Variants in DRC11 observed in about 807,000 individuals in gnomAD.
DRC11 encodes dynein regulatory complex subunit 11.
the DRC11 span, among the ~76,000 whole-genome samples, chr2:236,424,941 C>G: frequency 6.6e-6 from 1 of 151,980 alleles, no homozygotes; most frequent in African/African-American, 2.4e-5. Flanking sequence ...GCTTATTTCA[C>G]TTAGCATAAC....
chr2:236,475,163 C>G, the DRC11 span, among the ~76,000 whole-genome samples: 66 of 152,202 alleles, frequency 4.3e-4, 1 homozygote, highest in African/African-American at 1.4e-3. The surrounding 1 kb of genome is among the most constrained non-coding windows in gnomAD (Gnocchi z 4.8). Context: ...TGGTAACCAC[C>G]AATCTATTCT....
chr2:236,428,733 T>C, the DRC11 span, among the ~76,000 whole-genome samples: 1 of 152,196 alleles, frequency 6.6e-6, no homozygotes, highest in Admixed American at 6.5e-5. Flanking sequence ...TCATTTACAT[T>C]TGAGATAATT....
chr2:236,395,193 A>C, the DRC11 span, among the ~76,000 whole-genome samples: 1 of 152,098 alleles, frequency 6.6e-6, no homozygotes, highest in Admixed American at 6.5e-5. Context: ...GCCAAAGTTC[A>C]AGGGGTGTCT....
the DRC11 span, among the ~76,000 whole-genome samples, chr2:236,433,153 A>G: frequency 6.6e-6 from 1 of 152,002 alleles, no homozygotes. Context: ...GCTCCTAAGA[A>G]TATGTTTTCA....
chr2:236,507,275 T>A, the DRC11 span: 1 of 1,614,020 alleles, frequency 6.2e-7, no homozygotes, highest in South Asian at 1.1e-5. Flanking sequence ...CATTGCTGGC[T>A]ACTTTCCCTC....
chr2:236,362,630 A>G, the DRC11 span, among the ~76,000 whole-genome samples: 1 of 152,158 alleles, frequency 6.6e-6, no homozygotes, highest in Non-Finnish European at 1.5e-5. The surrounding 1 kb of genome is among the most constrained non-coding windows in gnomAD (Gnocchi z 5.7). Context: ...AGGGAGTCAA[A>G]AGCTATACGT....
At chr2:236,337,359 C>G in the DRC11 span, among the ~76,000 whole-genome samples, 1 of 152,200 alleles carries the variant, frequency 6.6e-6, no homozygotes, top group East Asian at 1.9e-4. This position sits in a 1 kb window ranked among gnomAD's most constrained non-coding sequence, Gnocchi z 4.9. Context: ...CTTCCCTCCT[C>G]CTGCCCAGCC....
At chr2:236,355,782 A>G in the DRC11 span, among the ~76,000 whole-genome samples, 2 of 151,710 alleles carry the variant, frequency 1.3e-5, no homozygotes, top group Non-Finnish European at 2.9e-5. Flanking sequence ...ATCAACCACA[A>G]ATAGCAGCAA....
chr2:236,487,429 T>C, the DRC11 span, among the ~76,000 whole-genome samples: 1 of 152,196 alleles, frequency 6.6e-6, no homozygotes, highest in Non-Finnish European at 1.5e-5. Context: ...CTTATACTTA[T>C]TTTCTCTGAA....
the DRC11 span, among the ~76,000 whole-genome samples, chr2:236,373,258 CT>C: frequency 5.1e-3 from 712 of 138,982 alleles, 2 homozygotes; most frequent in African/African-American, 0.014. Context: ...TGTATATTAA[CT>C]TTTTTTTTTT....
At chr2:236,367,993 G>A in the DRC11 span, 6 of 603,496 alleles carry the variant, frequency 9.9e-6, no homozygotes, top group Non-Finnish European at 1.5e-5. This position sits in a 1 kb window ranked among gnomAD's most constrained non-coding sequence, Gnocchi z 4.8. Flanking sequence ...CACGCAGAGA[G>A]GGTGCAGAAG....
At chr2:236,419,552 T>C in the DRC11 span, among the ~76,000 whole-genome samples, 1 of 152,172 alleles carries the variant, frequency 6.6e-6, no homozygotes, top group Non-Finnish European at 1.5e-5. This position sits in a 1 kb window ranked among gnomAD's most constrained non-coding sequence, Gnocchi z 4.8. Context: ...CTCCAGCTCC[T>C]GGAGGTTCCA....
At chr2:236,319,603 C>T in the DRC11 span, among the ~76,000 whole-genome samples, 2 of 152,172 alleles carry the variant, frequency 1.3e-5, no homozygotes, top group African/African-American at 4.8e-5. This position sits in a 1 kb window ranked among gnomAD's most constrained non-coding sequence, Gnocchi z 6.7. Context: ...CCAGAACCTA[C>T]CCTGCACTCC....
chr2:236,322,117 G>A, the DRC11 span, among the ~76,000 whole-genome samples: 2 of 151,886 alleles, frequency 1.3e-5, no homozygotes, highest in African/African-American at 4.8e-5. Context: ...AAATACTCTT[G>A]GTCTGTAAGA....
the DRC11 span, chr2:236,367,595 G>GA: frequency 6.8e-4 from 96 of 141,944 alleles, 1 homozygote; most frequent in East Asian, 1.6e-3. The surrounding 1 kb of genome is among the most constrained non-coding windows in gnomAD (Gnocchi z 4.8). Flanking sequence ...AAGCCATAAA[G>GA]AAAAAAAAAA....
At chr2:236,309,456 T>C in the DRC11 span, among the ~76,000 whole-genome samples, 4 of 152,090 alleles carry the variant, frequency 2.6e-5, no homozygotes, top group African/African-American at 9.7e-5. The surrounding 1 kb of genome is among the most constrained non-coding windows in gnomAD (Gnocchi z 5.7). Flanking sequence ...CAGGTGGTCA[T>C]TGCCTGTGAG....
chr2:236,357,978 TCA>T, the DRC11 span, among the ~76,000 whole-genome samples: 2 of 116,924 alleles, frequency 1.7e-5, no homozygotes, highest in Non-Finnish European at 3.2e-5. Context: ...GAATATATAC[TCA>T]TATATAAATA....
At chr2:236,395,555 T>C in the DRC11 span, among the ~76,000 whole-genome samples, 132 of 152,352 alleles carry the variant, frequency 8.7e-4, 1 homozygote, top group African/African-American at 3.0e-3. Flanking sequence ...GCATTTGAAG[T>C]GAATTGCTCT....
At chr2:236,394,177 C>T in the DRC11 span, among the ~76,000 whole-genome samples, 69 of 152,234 alleles carry the variant, frequency 4.5e-4, no homozygotes, top group African/African-American at 1.5e-3. The surrounding 1 kb of genome is among the most constrained non-coding windows in gnomAD (Gnocchi z 7.0). Context: ...GCAGCTACAC[C>T]AGAAACAGCT....
Sources: gnomAD v4.1 joint callset for allele counts (sites outside exome capture counted in the v4.1 genomes callset) on GRCh38, gnomAD v4.1.1 for gene constraint, Gnocchi (gnomAD v3.1) non-coding constraint, MANE v1.5 for transcripts, NCBI Gene and HGNC (gene_info 2026-07-23, HGNC 2026-07-21) for gene names.